NEK10: variants seen among roughly 807,000 people sequenced by gnomAD.
The protein encoded by NEK10 is NIMA related kinase 10.
Under a neutral mutation model 159.8 loss-of-function variants are expected in NEK10, and 122 were observed. The observed-to-expected ratio is 0.76, with a 90% CI of 0.66 to 0.89. NEK10 has a LOEUF of 0.89. Among genes scored for constraint, NEK10 ranks in the 40% least tolerant of loss-of-function variants. The pLI, the probability that NEK10 is intolerant of heterozygous loss-of-function variation, is 0.00. For synonymous variants in NEK10, 466 were observed against 457.1 expected (o/e 1.02, Z -0.25); for missense variants, 1,342 against 1,323.1 (o/e 1.01, Z -0.22).
At chr3:27,347,775 C>T (rs2047674677) in intron 3 of NEK10, among the ~76,000 whole-genome samples, 1 of 152,130 alleles carries the variant, frequency 6.6e-6, no homozygotes, top group South Asian at 2.1e-4. Flanking sequence ...GCTGAGCCAG[C>T]AATGCTTAGT....
At chr3:27,181,408 T>C (rs1387403970) in intron 26 of NEK10, among the ~76,000 whole-genome samples, 1 of 152,174 alleles carries the variant, frequency 6.6e-6, no homozygotes, top group Middle Eastern at 3.4e-3. Flanking sequence ...TGGATCATCA[T>C]AAAGGTCTTC....
At chr3:27,254,162 T>A (rs1459521398) in intron 23 of NEK10, among the ~76,000 whole-genome samples, 2 of 152,228 alleles carry the variant, frequency 1.3e-5, no homozygotes, top group Admixed American at 6.5e-5. Flanking sequence ...AAAAATCTTT[T>A]TTAAAACATT....
In NEK10 at chr3:27,309,256, T is replaced by C. The variant is rs1013188588; in HGVS notation, c.637-251A>G. 4 of 231,564 alleles carry C rather than the reference T, an allele frequency of 1.7e-5. No homozygotes were observed. The Admixed American group carries it at 2.2e-4, about 13-fold the overall frequency. The allele number at this position is 231,564 out of a possible 1,614,324, so 14.3% of individuals were successfully genotyped here. ...ATGTTTTTTTCTTAATGTTATCTACTGAAATTTTTTCATGGCATTAAATAT... is the reference window on the plus strand; with the variant it reads ...ATGTTTTTTTCTTAATGTTATCTACCGAAATTTTTTCATGGCATTAAATAT... On this transcript the variant is annotated intron_variant, in intron 9 of 35. Coordinates refer to ENST00000691995, the MANE Select transcript of NEK10 (RefSeq NM_001394966.1).
At chr3:27,276,766 T>C (rs1479314551) in intron 22 of NEK10, among the ~76,000 whole-genome samples, 1 of 152,140 alleles carries the variant, frequency 6.6e-6, no homozygotes, top group African/African-American at 2.4e-5. Context: ...AAATAACTGC[T>C]GAATTGAGCC....
intron 15 of NEK10, 139 bp from the exon 16 acceptor site, chr3:27,293,791 C>A (rs1481629670): frequency 3.6e-5 from 20 of 552,282 alleles, no homozygotes; most frequent in Middle Eastern, 3.1e-4. Flanking sequence ...AAGCTTCTAA[C>A]TGAAAACAAA....
intron 29 of NEK10, among the ~76,000 whole-genome samples, chr3:27,163,412 C>T (rs1163210414): frequency 2.6e-5 from 4 of 151,830 alleles, no homozygotes; most frequent in Non-Finnish European, 4.4e-5. Context: ...AGTGCAGTGA[C>T]GCGATCTCAG....
intron 23 of NEK10, among the ~76,000 whole-genome samples, chr3:27,237,430 T>A (rs1324797382): frequency 6.6e-6 from 1 of 152,168 alleles, no homozygotes; most frequent in African/African-American, 2.4e-5. Flanking sequence ...GAGATTGCAG[T>A]AAAGACAGGT....
intron 29 of NEK10, among the ~76,000 whole-genome samples, chr3:27,167,625 A>G (rs1946604699): frequency 2.0e-5 from 3 of 152,246 alleles, no homozygotes; most frequent in Admixed American, 2.0e-4. Flanking sequence ...AACTCGCATA[A>G]AAACTGGTAA....
intron 23 of NEK10, among the ~76,000 whole-genome samples, chr3:27,243,394 T>C (rs1362616218): frequency 6.7e-6 from 1 of 149,512 alleles, no homozygotes; most frequent in Non-Finnish European, 1.5e-5. Context: ...TGAAAATGTT[T>C]ATTTAATTCT....
intron 28 of NEK10, among the ~76,000 whole-genome samples, chr3:27,173,220 A>G (rs1947177825): frequency 1.3e-5 from 2 of 152,212 alleles, no homozygotes; most frequent in Non-Finnish European, 2.9e-5. Flanking sequence ...AACAAAACAC[A>G]ATAAAATGTC....
chr3:27,301,597 C>T, intron 13 of NEK10, 99 bp downstream of exon 13: 1 of 921,326 alleles, frequency 1.1e-6, no homozygotes, highest in Non-Finnish European at 1.7e-6. Context: ...TTGTAAACTT[C>T]TAAATTTTGC....
intron 23 of NEK10, among the ~76,000 whole-genome samples, chr3:27,247,336 G>T (rs1287531210): frequency 2.0e-5 from 3 of 151,970 alleles, no homozygotes; most frequent in African/African-American, 7.2e-5. Context: ...CATCATGAAG[G>T]GATGTTGAAT....
chr3:27,125,698 C>T (rs957148799), intron 32 of NEK10, among the ~76,000 whole-genome samples: 8 of 152,164 alleles, frequency 5.3e-5, no homozygotes, highest in Non-Finnish European at 7.4e-5. Context: ...CCCATACATG[C>T]ATGGCCCATC....
At chr3:27,140,811 GTGAA>G (rs1288488681) in intron 31 of NEK10, among the ~76,000 whole-genome samples, 1 of 152,162 alleles carries the variant, frequency 6.6e-6, no homozygotes, top group Non-Finnish European at 1.5e-5. Flanking sequence ...TGTCAAGTGA[GTGAA>G]TGAATGAATA....
At chr3:27,317,355 T>C (rs1424603884) in intron 6 of NEK10, among the ~76,000 whole-genome samples, 1 of 152,232 alleles carries the variant, frequency 6.6e-6, no homozygotes, top group Non-Finnish European at 1.5e-5. Context: ...ATTACAGCAA[T>C]GCGCCCTGTG....
chr3:27,228,072 C>T (rs1040522072), intron 23 of NEK10, among the ~76,000 whole-genome samples: 5 of 152,250 alleles, frequency 3.3e-5, no homozygotes, highest in East Asian at 1.9e-4. Context: ...AATGAGAAAA[C>T]GATCACCAAT....
At chr3:27,279,996 C>T (rs188346977) in intron 22 of NEK10, among the ~76,000 whole-genome samples, 29 of 151,064 alleles carry the variant, frequency 1.9e-4, no homozygotes, top group African/African-American at 6.6e-4. Flanking sequence ...GGTGAAACCC[C>T]GTCTCTCCTA....
intron 1 of NEK10, among the ~76,000 whole-genome samples, chr3:27,359,841 G>A (rs1190951535): frequency 1.3e-5 from 2 of 152,194 alleles, no homozygotes; most frequent in African/African-American, 4.8e-5. Context: ...AGTTTATGTA[G>A]TTAAAGTGCT....
At chr3:27,210,872 G>A (rs1304298823) in intron 23 of NEK10, among the ~76,000 whole-genome samples, 1 of 152,218 alleles carries the variant, frequency 6.6e-6, no homozygotes, top group Admixed American at 6.5e-5. Flanking sequence ...CCACCTGGAA[G>A]AGTTGTCAAT....
Sources: allele counts gnomAD v4.1 joint callset (sites outside exome capture counted in the v4.1 genomes callset), GRCh38; gene constraint gnomAD v4.1.1; transcripts MANE v1.5; gene names NCBI Gene and HGNC (gene_info 2026-07-23, HGNC 2026-07-21).